The following CCSER1 variants were observed in gnomAD, a reference collection of about 807,000 sequenced individuals.
The protein encoded by CCSER1 is coiled-coil serine rich protein 1.
A neutral mutation model predicts 82.0 loss-of-function variants in CCSER1; 41 were observed. The ratio of observed to expected loss-of-function variants is 0.50; its 90% confidence interval spans 0.39 to 0.65. The LOEUF (loss-of-function observed/expected upper bound fraction) is 0.65, where lower values mean the gene tolerates loss of function less well. Ranked by LOEUF, CCSER1 falls within the 30% of genes least tolerant of loss-of-function variation. The pLI is 0.00. For synonymous variants in CCSER1, 414 were observed against 383.9 expected (o/e 1.08, Z -0.92); for missense variants, 1,119 against 1,064.2 (o/e 1.05, Z -0.72).
chr4:91,337,480 G>A (rs188105802), intron 10 of CCSER1, among the ~76,000 whole-genome samples: 24 of 152,176 alleles, frequency 1.6e-4, no homozygotes, highest in Admixed American at 2.0e-4. Context: ...TGTGTCACCT[G>A]GTTCTTTCCA....
At chr4:90,180,623 C>T (rs1364211174) in intron 1 of CCSER1, among the ~76,000 whole-genome samples, 1 of 151,976 alleles carries the variant, frequency 6.6e-6, no homozygotes, top group African/African-American at 2.4e-5. Context: ...CTGTCTAAAA[C>T]TCTTCCCTCT....
chr4:90,438,526 A>G (rs560019727), intron 4 of CCSER1, among the ~76,000 whole-genome samples: 159 of 152,194 alleles, frequency 1.0e-3, no homozygotes, highest in Non-Finnish European at 1.7e-3. Flanking sequence ...GATTAGTACT[A>G]TAGTAGGGCA....
At chr4:90,454,247 G>C (rs62312945) in intron 4 of CCSER1, among the ~76,000 whole-genome samples, 1 of 141,336 alleles carries the variant, frequency 7.1e-6, no homozygotes, top group Non-Finnish European at 1.5e-5. Flanking sequence ...TTTTTTTTTG[G>C]ATTTCCTCCT....
intron 1 of CCSER1, among the ~76,000 whole-genome samples, chr4:90,255,907 G>T (rs1181209290): frequency 6.6e-6 from 1 of 152,092 alleles, no homozygotes; most frequent in Non-Finnish European, 1.5e-5. Flanking sequence ...CTTTATAGAT[G>T]AGGATACTGA....
intron 10 of CCSER1, among the ~76,000 whole-genome samples, chr4:91,529,971 G>A (rs925155069): frequency 6.6e-6 from 1 of 152,030 alleles, no homozygotes; most frequent in Non-Finnish European, 1.5e-5. Context: ...TTCTCATTAT[G>A]AACTATATCC....
At chr4:91,573,338 C>T (rs1466294625) in intron 10 of CCSER1, among the ~76,000 whole-genome samples, 1 of 152,152 alleles carries the variant, frequency 6.6e-6, no homozygotes, top group Non-Finnish European at 1.5e-5. Flanking sequence ...GGAAGTAAAT[C>T]CTGCAGGCTG....
chr4:90,650,755 A>G (rs1487683405), intron 6 of CCSER1, among the ~76,000 whole-genome samples: 3 of 152,212 alleles, frequency 2.0e-5, no homozygotes, highest in African/African-American at 7.2e-5. Flanking sequence ...ACACAGTTTT[A>G]TGCTAAGCCA....
At chr4:90,345,017 A>C (rs552472076) in intron 3 of CCSER1, among the ~76,000 whole-genome samples, 1 of 152,196 alleles carries the variant, frequency 6.6e-6, no homozygotes, top group South Asian at 2.1e-4. Context: ...CAGTTTGCTC[A>C]TCTGCTTAGA....
chr4:90,882,758 A>G (rs1427949027), intron 8 of CCSER1, among the ~76,000 whole-genome samples: 2 of 152,002 alleles, frequency 1.3e-5, no homozygotes, highest in African/African-American at 4.8e-5. Context: ...TAACACTGAA[A>G]AAAAACAAAG....
intron 6 of CCSER1, among the ~76,000 whole-genome samples, chr4:90,649,275 A>C (rs1326979126): frequency 6.6e-6 from 1 of 152,186 alleles, no homozygotes; most frequent in Non-Finnish European, 1.5e-5. Flanking sequence ...TGGGAAGCTA[A>C]GAAGAGAGAG....
At chr4:91,266,179 A>G (rs1473729470) in intron 10 of CCSER1, among the ~76,000 whole-genome samples, 1 of 152,114 alleles carries the variant, frequency 6.6e-6, no homozygotes, top group Admixed American at 6.6e-5. Context: ...AAACCATGTA[A>G]GATTGTTTTG....
chr4:91,260,439 C>T (rs1328985434), intron 10 of CCSER1, among the ~76,000 whole-genome samples: 1 of 152,164 alleles, frequency 6.6e-6, no homozygotes, highest in Non-Finnish European at 1.5e-5. Context: ...TATTAATCCT[C>T]TTAACTAGCC....
chr4:91,303,499 A>G (rs1222742938), intron 10 of CCSER1, among the ~76,000 whole-genome samples: 1 of 152,020 alleles, frequency 6.6e-6, no homozygotes, highest in Non-Finnish European at 1.5e-5. Flanking sequence ...AAATTGTACC[A>G]TATAGGCCAG....
intron 3 of CCSER1, among the ~76,000 whole-genome samples, chr4:90,388,772 A>T (rs1299048383): frequency 6.6e-6 from 1 of 151,718 alleles, no homozygotes; most frequent in African/African-American, 2.4e-5. Context: ...AGTAGCTGGG[A>T]TTACAGGTGC....
At chr4:90,629,774 A>T (rs1724019015) in intron 6 of CCSER1, among the ~76,000 whole-genome samples, 1 of 152,202 alleles carries the variant, frequency 6.6e-6, no homozygotes, top group Admixed American at 6.5e-5. Context: ...TACTCTTAGA[A>T]TTTCAGAAAT....
chr4:91,388,001 A>AACAATTAGTTCACC (rs1211018335), intron 10 of CCSER1, among the ~76,000 whole-genome samples: 1 of 152,088 alleles, frequency 6.6e-6, no homozygotes, highest in Non-Finnish European at 1.5e-5. Flanking sequence ...ATTTTATTGT[A>AACAATTAGTTCACC]ACAATTAGTT....
chr4:90,260,644 A>C (rs1724145282), intron 1 of CCSER1, among the ~76,000 whole-genome samples: 1 of 152,160 alleles, frequency 6.6e-6, no homozygotes, highest in South Asian at 2.1e-4. Context: ...GTTTATGTGA[A>C]TGCTTATGTG....
intron 7 of CCSER1, among the ~76,000 whole-genome samples, chr4:90,801,707 G>A (rs1191295948): frequency 6.6e-6 from 1 of 152,010 alleles, no homozygotes; most frequent in African/African-American, 2.4e-5. Flanking sequence ...ATTAATAAAT[G>A]CCATTTACTT....
chr4:91,468,528 G>A (rs745885172), intron 10 of CCSER1, among the ~76,000 whole-genome samples: 2 of 150,960 alleles, frequency 1.3e-5, no homozygotes, highest in Non-Finnish European at 3.0e-5. Context: ...AAATATGGAG[G>A]TAATAAAATA....
Sources: gnomAD v4.1 joint callset for allele counts (sites outside exome capture counted in the v4.1 genomes callset) on GRCh38, gnomAD v4.1.1 for gene constraint, MANE v1.5 for transcripts, NCBI Gene and HGNC (gene_info 2026-07-23, HGNC 2026-07-21) for gene names.